Variants in FOXK1 observed in about 807,000 individuals in gnomAD.
The protein encoded by FOXK1 is forkhead box K1.
In FOXK1, 19 loss-of-function variants were observed where a neutral mutation model predicts 51.9. The observed-to-expected ratio is 0.37, with a 90% CI of 0.26 to 0.54. FOXK1 has a LOEUF of 0.54. FOXK1 is among the 20% of genes least tolerant of loss of function. The probability of loss-of-function intolerance (pLI) is 0.87; values close to 1 mark genes in which losing one functional copy is unlikely to be tolerated. For synonymous variants in FOXK1, 537 were observed against 482.6 expected, an observed-to-expected ratio of 1.11 and a Z score of -1.48; for missense variants, 870 against 1,032.7, an observed-to-expected ratio of 0.84 and a Z score of 2.16.
intron 1 of FOXK1, among the ~76,000 whole-genome samples, chr7:4,724,812 C>A (rs531176387): frequency 6.6e-6 from 1 of 152,144 alleles, no homozygotes; most frequent in Non-Finnish European, 1.5e-5. Context: ...GGATGGTGGG[C>A]GGTGATCCTC....
In FOXK1 at chr7:4,761,619, C is replaced by G. The variant is rs1418919455; in HGVS notation, c.1921+331C>G. On this transcript the variant is annotated intron_variant, in intron 8 of 8. Transcript: ENST00000328914. The surrounding 1 kb of genome is among the most constrained non-coding windows in gnomAD (Gnocchi z 6.2). Reference sequence around the variant, plus strand: ...TGTTGCACGCTCATGGTCCCAGCTGCTTGGGAGAGTGAGGCTGTAGTCAGC... The same window carrying G: ...TGTTGCACGCTCATGGTCCCAGCTGGTTGGGAGAGTGAGGCTGTAGTCAGC... 6.6e-6 allele frequency among the ~76,000 whole-genome samples: 1 copy of G among 152,020 alleles called. No homozygotes were observed. Among genetic ancestry groups the G allele is most frequent in the African/African-American group, 2.4e-5 (1 of 41,396 alleles).
At position 4,711,071 on chromosome 7, in the gene FOXK1, G is replaced by A. The variant is rs1317316280; in HGVS notation, c.560+28203G>A. 1.3e-5 allele frequency among the ~76,000 whole-genome samples: 2 copies of A among 152,180 alleles called. No individual in the cohort carries two copies. Among genetic ancestry groups the A allele is most frequent in the African/African-American group, 2.4e-5 (1 of 41,448 alleles). ...ACGCTTAGAGAAGATGGAGATGGAT[G>A]GAGACGGCTGTCCATCAGCTGTGCA... On this transcript the variant is annotated intron_variant, in intron 1 of 8. Coordinates refer to ENST00000328914, the MANE Select transcript of FOXK1 (RefSeq NM_001037165.2). This position sits in a 1 kb window ranked among gnomAD's most constrained non-coding sequence, Gnocchi z 6.3.
chr7:4,753,292 A>G lies in FOXK1; in HGVS notation c.747-1167A>G, dbSNP rs1259808256. On this transcript the variant is annotated intron_variant, in intron 2 of 8. Transcript: ENST00000328914. This position sits in a 1 kb window ranked among gnomAD's most constrained non-coding sequence, Gnocchi z 4.9. Reference sequence around the variant, plus strand: ...CCCGCCTGCACCCAAGGGGGCTCCTACTTAACCTAAGTTTTGGAGATCTAG... The same window carrying G: ...CCCGCCTGCACCCAAGGGGGCTCCTGCTTAACCTAAGTTTTGGAGATCTAG... 1.3e-5 allele frequency among the ~76,000 whole-genome samples: 2 copies of G among 152,134 alleles called. No homozygotes were observed. Among genetic ancestry groups the G allele is most frequent in the Non-Finnish European group, 2.9e-5 (2 of 68,004 alleles).
At position 4,770,223 on chromosome 7, in the gene FOXK1, G is replaced by A. The variant is rs1781079934; in HGVS notation, c.*7759G>A. 6.6e-6 allele frequency: 1 copy of A among 151,434 alleles called. No homozygotes were observed. The highest frequency in any genetic ancestry group is 2.1e-4 in the South Asian group (1 of 4,798). The allele number at this position is 151,434 out of a possible 1,614,324, so 9.4% of individuals were successfully genotyped here. ...GGTCCAGATTTTTTTTTTTTAATCA[G>A]TAACAATGGGAATTTAAAATCAAAT... On this transcript the variant is annotated 3_prime_UTR_variant, in exon 9 of 9. Transcript: ENST00000328914.
In FOXK1 at chr7:4,759,098, C is replaced by T; in HGVS notation, c.1292C>T (p.Ser431Phe). ...CACCCCGGGCTGATGTCCCCTCGCT[C>T]CGGCGGCCTGCAGACCCCAGAGTGC... is the stretch of plus-strand genomic sequence containing the variant. Reference protein sequence around the residue: ...PTHPGLMSPRSGGLQTPECLS... With the variant: ...PTHPGLMSPRFGGLQTPECLS... The change falls in exon 6 of 9, where the codon TCC (serine) becomes TTC (phenylalanine). Residue 431 changes from serine to phenylalanine, a missense_variant. This residue lies in a region of FOXK1 where 457 missense variants were observed against 510.8 expected (regional missense o/e 0.89). Coordinates refer to ENST00000328914, the MANE Select transcript of FOXK1 (RefSeq NM_001037165.2). 1 of 1,611,134 alleles carries T rather than the reference C, an allele frequency of 6.2e-7. No individual in the cohort carries two copies. The highest frequency in any genetic ancestry group is 8.5e-7 in the Non-Finnish European group (1 of 1,179,718).
At position 4,683,156 on chromosome 7, in the gene FOXK1, C is replaced by A. The variant is rs945888833; in HGVS notation, c.560+288C>A. On this transcript the variant is annotated intron_variant, in intron 1 of 8. Coordinates refer to ENST00000328914, the MANE Select transcript of FOXK1 (RefSeq NM_001037165.2). This position sits in a 1 kb window ranked among gnomAD's most constrained non-coding sequence, Gnocchi z 4.5. ...CGCCCCCGACCCCCACCGGCCTGGA[C>A]TCTGGGGTCAGCCCTGACCCACACC... Among the ~76,000 whole-genome samples the A allele has an allele frequency of 8.5e-5, 13 of 152,110 alleles. 1 individual carries two copies. Among genetic ancestry groups the A allele is most frequent in the African/African-American group, 3.1e-4 (13 of 41,524 alleles).
intron 1 of FOXK1, among the ~76,000 whole-genome samples, chr7:4,710,848 A>G (rs1780165181): frequency 6.6e-6 from 1 of 152,130 alleles, no homozygotes; most frequent in African/African-American, 2.4e-5. Context: ...AATTACAGCC[A>G]TTCCACGTCG....
intron 1 of FOXK1, among the ~76,000 whole-genome samples, chr7:4,721,288 C>A: frequency 6.6e-6 from 1 of 152,240 alleles, no homozygotes. Flanking sequence ...GGAAACCCCC[C>A]GGAGCTCCCC....
At chr7:4,725,629 G>A (rs1297325836) in intron 1 of FOXK1, among the ~76,000 whole-genome samples, 3 of 152,286 alleles carry the variant, frequency 2.0e-5, no homozygotes, top group Admixed American at 1.3e-4. Context: ...GCGTGTGGCT[G>A]TGTTGGGAGG....
In FOXK1 at chr7:4,764,115, A is replaced by T. The variant is rs1264518427; in HGVS notation, c.*1651A>T. On this transcript the variant is annotated 3_prime_UTR_variant, in exon 9 of 9. Transcript: ENST00000328914. ...GGTGTCTCCCTGAAGAAGAAGGGAG[A>T]ACACTTTTCAAAGTGATTCCGAGGC... is the stretch of plus-strand genomic sequence containing the variant. 2 of 152,476 alleles carry T rather than the reference A, an allele frequency of 1.3e-5. No homozygotes were observed. Among genetic ancestry groups the T allele is most frequent in the Non-Finnish European group, 2.9e-5 (2 of 68,246 alleles). 9.4% of individuals were successfully genotyped at this position (152,476 alleles called of 1,614,324 possible).
intron 1 of FOXK1, among the ~76,000 whole-genome samples, chr7:4,736,621 C>T (rs1021249973): frequency 6.6e-6 from 1 of 151,990 alleles, no homozygotes; most frequent in Admixed American, 6.6e-5. Flanking sequence ...TGCCTTTTGG[C>T]CAGGCTGGTC....
rs1433007251 is a variant in FOXK1 at position 4,733,496 on chromosome 7, C to T, written c.561-7342C>T. 1.3e-5 allele frequency among the ~76,000 whole-genome samples: 2 copies of T among 152,232 alleles called. No individual in the cohort carries two copies. The highest frequency in any genetic ancestry group is 1.3e-4 in the Admixed American group (2 of 15,282). On this transcript the variant is annotated intron_variant, in intron 1 of 8. Coordinates refer to ENST00000328914, the MANE Select transcript of FOXK1 (RefSeq NM_001037165.2). This position sits in a 1 kb window ranked among gnomAD's most constrained non-coding sequence, Gnocchi z 5.0. ...GGGAAGGGGAGGAGTGAAGAAGGCCCTTGGTTCCTCATATAGACATGACCC... is the reference window on the plus strand; with the variant it reads ...GGGAAGGGGAGGAGTGAAGAAGGCCTTTGGTTCCTCATATAGACATGACCC...
chr7:4,758,452 C>A lies in FOXK1; in HGVS notation c.1245-599C>A, dbSNP rs936509408. 5.9e-5 allele frequency: 9 copies of A among 152,404 alleles called. No homozygotes were observed. The highest frequency in any genetic ancestry group is 2.2e-4 in the African/African-American group (9 of 41,472). The allele number at this position is 152,404 out of a possible 1,614,324, so 9.4% of individuals were successfully genotyped here. ...TCGGAAATCCTTCCCCGTGGAAGGACACGTTAACCTCTCGTGCTTCCCATT... is the reference window on the plus strand; with the variant it reads ...TCGGAAATCCTTCCCCGTGGAAGGAAACGTTAACCTCTCGTGCTTCCCATT... On this transcript the variant is annotated intron_variant, in intron 5 of 8. Coordinates refer to ENST00000328914, the MANE Select transcript of FOXK1 (RefSeq NM_001037165.2). The surrounding 1 kb of genome is among the most constrained non-coding windows in gnomAD (Gnocchi z 4.4).
At position 4,761,035 on chromosome 7, in the gene FOXK1, G is replaced by A. The variant is rs1780924661; in HGVS notation, c.1697-29G>A. On this transcript the variant is annotated intron_variant, in intron 7 of 8. Coordinates refer to ENST00000328914, the MANE Select transcript of FOXK1 (RefSeq NM_001037165.2). The surrounding 1 kb of genome is among the most constrained non-coding windows in gnomAD (Gnocchi z 6.2). ...AAATCGATTGTCTCGTTGGCCGAGT[G>A]TGGTGCTGACTTGGTTCCTGTCCCG... 1.9e-6 allele frequency: 3 copies of A among 1,591,726 alleles called. No individual in the cohort carries two copies. Among genetic ancestry groups the A allele is most frequent in the Non-Finnish European group, 2.6e-6 (3 of 1,161,938 alleles).
intron 1 of FOXK1, among the ~76,000 whole-genome samples, chr7:4,710,468 C>T (rs28392913): frequency 0.079 from 11,950 of 152,076 alleles, 614 homozygotes; most frequent in African/African-American, 0.16. Flanking sequence ...CCAGCTCCTC[C>T]GGAGGCCGAG....
rs1331685169 is a variant in FOXK1 at position 4,703,251 on chromosome 7, C to G, written c.560+20383C>G. Among the ~76,000 whole-genome samples the G allele has an allele frequency of 2.0e-5, 3 of 152,040 alleles. No homozygotes were observed. Among genetic ancestry groups the G allele is most frequent in the East Asian group, 1.9e-4 (1 of 5,166 alleles). On this transcript the variant is annotated intron_variant, in intron 1 of 8. Coordinates refer to ENST00000328914, the MANE Select transcript of FOXK1 (RefSeq NM_001037165.2). This position sits in a 1 kb window ranked among gnomAD's most constrained non-coding sequence, Gnocchi z 5.6. ...AGCTGGCAATGAGGAGTCAGGGAGA[C>G]AGACCTCCAGCCATTGGGCCTCTCC...
At chr7:4,757,315 A>C in intron 5 of FOXK1, 128 bp downstream of exon 5, 1 of 795,746 alleles carries the variant, frequency 1.3e-6, no homozygotes, top group Non-Finnish European at 2.0e-6. Flanking sequence ...CATGCAACTG[A>C]TCACAGGTCA....
At position 4,692,968 on chromosome 7, in the gene FOXK1, GCCTTAAGTCATCCTCTGCTATAATAT is replaced by G. The variant is rs778398386; in HGVS notation, c.560+10155_560+10180del. 6.6e-4 allele frequency among the ~76,000 whole-genome samples: 100 copies of G among 151,812 alleles called. No homozygotes were observed. The Middle Eastern group carries it at 0.017, about 26-fold the overall frequency. Reference sequence around the variant, plus strand: ...TTCCCTGACTGGTCTCAAACTCCTGGCCTTAAGTCATCCTCTGCTATAATATCCTTAAGTCATCCTCTGCTATAATA... The same window carrying G: ...TTCCCTGACTGGTCTCAAACTCCTGGCCTTAAGTCATCCTCTGCTATAATA... On this transcript the variant is annotated intron_variant, in intron 1 of 8. Coordinates refer to ENST00000328914, the MANE Select transcript of FOXK1 (RefSeq NM_001037165.2).
At chr7:4,727,386 G>C (rs375266296) in intron 1 of FOXK1, among the ~76,000 whole-genome samples, 21 of 152,082 alleles carry the variant, frequency 1.4e-4, no homozygotes, top group African/African-American at 4.6e-4. Flanking sequence ...TGTGATCTCA[G>C]CTCATTGCAA....
Sources: gnomAD v4.1 joint callset for allele counts (sites outside exome capture counted in the v4.1 genomes callset) on GRCh38, gnomAD v4.1.1 for gene constraint, gnomAD v4.1.1 regional missense constraint, Gnocchi (gnomAD v3.1) non-coding constraint, MANE v1.5 for transcripts, NCBI Gene and HGNC (gene_info 2026-07-23, HGNC 2026-07-21) for gene names.